CSMD1: variants seen among roughly 807,000 people sequenced by gnomAD.
CSMD1 encodes CUB and Sushi multiple domains 1, also known as CUB and sushi domain-containing protein 1.
In CSMD1, 213 loss-of-function variants were observed where a neutral mutation model predicts 417.5. The ratio of observed to expected loss-of-function variants is 0.51; its 90% CI spans 0.46 to 0.57. CSMD1 has a LOEUF of 0.57. CSMD1 is among the 20% of genes least tolerant of loss of function. The pLI is 0.00. For synonymous variants in CSMD1, 2,862 were observed against 1,736.8 expected, an observed-to-expected ratio of 1.65 and a Z score of -16.11; for missense variants, 6,923 against 4,529.7, an observed-to-expected ratio of 1.53 and a Z score of -15.17.
At chr8:3,332,200 G>C (rs1055327456) in intron 23 of CSMD1, among the ~76,000 whole-genome samples, 1 of 152,236 alleles carries the variant, frequency 6.6e-6, no homozygotes, top group Non-Finnish European at 1.5e-5. Flanking sequence ...ACTACTGCTT[G>C]ATGGCATGAA....
chr8:4,383,580 G>T (rs80208569), intron 3 of CSMD1, among the ~76,000 whole-genome samples: 85 of 152,190 alleles, frequency 5.6e-4, no homozygotes, highest in African/African-American at 2.0e-3. Context: ...TGATTACAGG[G>T]CCCTGAAACA....
intron 10 of CSMD1, among the ~76,000 whole-genome samples, chr8:3,556,415 T>TATATACA: frequency 1.8e-5 from 1 of 57,124 alleles, no homozygotes; most frequent in African/African-American, 6.2e-5. Flanking sequence ...ATATATATAT[T>TATATACA]CACACACACA....
chr8:4,307,560 C>T (rs763122449), intron 3 of CSMD1, among the ~76,000 whole-genome samples: 19 of 152,168 alleles, frequency 1.2e-4, no homozygotes, highest in Non-Finnish European at 2.2e-4. Flanking sequence ...AAAATGTTGC[C>T]TCTGCTTATC....
At chr8:4,556,947 C>T (rs1798122905) in intron 2 of CSMD1, among the ~76,000 whole-genome samples, 1 of 152,160 alleles carries the variant, frequency 6.6e-6, no homozygotes, top group Admixed American at 6.5e-5. Context: ...GATATTCAAC[C>T]TGTATCTGCT....
intron 3 of CSMD1, among the ~76,000 whole-genome samples, chr8:4,340,959 G>A (rs950536078): frequency 9.2e-5 from 14 of 151,970 alleles, no homozygotes; most frequent in East Asian, 3.9e-4. Flanking sequence ...TGTACTCTGC[G>A]GGTTTATTTC....
chr8:4,100,621 A>C (rs866230400), intron 3 of CSMD1, among the ~76,000 whole-genome samples: 5 of 152,182 alleles, frequency 3.3e-5, no homozygotes, highest in South Asian at 2.1e-4. Context: ...TTCCACCGTG[A>C]TAATGGGGAT....
intron 2 of CSMD1, among the ~76,000 whole-genome samples, chr8:4,432,463 C>T (rs1480643807): frequency 6.6e-6 from 1 of 152,166 alleles, no homozygotes; most frequent in African/African-American, 2.4e-5. Flanking sequence ...GACACAAAAA[C>T]TCAAGTATCA....
chr8:3,195,577 T>G (rs531820881), intron 33 of CSMD1, among the ~76,000 whole-genome samples: 1 of 152,232 alleles, frequency 6.6e-6, no homozygotes, highest in South Asian at 2.1e-4. Context: ...ATATTTTCTG[T>G]GAAATGACAA....
At chr8:4,950,788 C>T (rs7005677) in intron 1 of CSMD1, among the ~76,000 whole-genome samples, 69,993 of 151,702 alleles carry the variant, frequency 0.46, 16,396 homozygotes, top group African/African-American at 0.51. Context: ...CAGACAATGA[C>T]CGTAAGCATC....
intron 17 of CSMD1, among the ~76,000 whole-genome samples, chr8:3,391,476 G>T (rs1029312153): frequency 1.3e-5 from 2 of 152,156 alleles, no homozygotes; most frequent in African/African-American, 4.8e-5. Flanking sequence ...CAAAGCAGAT[G>T]ATCATTCTGG....
chr8:4,963,543 A>G (rs922618570), intron 1 of CSMD1, among the ~76,000 whole-genome samples: 24 of 151,932 alleles, frequency 1.6e-4, no homozygotes, highest in Admixed American at 5.2e-4. Flanking sequence ...TACCTCCCTT[A>G]CCTGCTTTTG....
chr8:3,872,628 T>C (rs144475542), intron 5 of CSMD1, among the ~76,000 whole-genome samples: 2 of 152,176 alleles, frequency 1.3e-5, no homozygotes, highest in African/African-American at 2.4e-5. Context: ...CCACAATCCA[T>C]TCATTTTCTC....
At chr8:3,572,195 A>T (rs570039788) in intron 10 of CSMD1, among the ~76,000 whole-genome samples, 5 of 152,140 alleles carry the variant, frequency 3.3e-5, no homozygotes, top group Admixed American at 6.5e-5. Flanking sequence ...TCCACCCAGG[A>T]AGGGCGGTGG....
At chr8:4,194,207 T>G (rs1283745399) in intron 3 of CSMD1, among the ~76,000 whole-genome samples, 1 of 152,116 alleles carries the variant, frequency 6.6e-6, no homozygotes, top group African/African-American at 2.4e-5. Context: ...ACTACTAAAT[T>G]TCTTTCGTCC....
rs1806438619 is a variant in CSMD1, at chr8:4,920,974, GAAAGAAACAAAGAAAGAAAGAAAA to G, written c.85+73334_85+73357del. On this transcript the variant is annotated intron_variant, in intron 1 of 69. Transcript: ENST00000635120. ...AGAAAGAAAGAAAGAAAGAAAGAAA[GAAAGAAACAAAGAAAGAAAGAAAA>G]GAAAGAAAGAAAGAAAAGAAAGAAA... is the stretch of plus-strand genomic sequence containing the variant. Among the ~76,000 whole-genome samples, 2 of 25,942 alleles carry G rather than the reference GAAAGAAACAAAGAAAGAAAGAAAA, an allele frequency of 7.7e-5. 1 individual carries two copies. The highest frequency in any genetic ancestry group is 1.8e-4 in the Non-Finnish European group (2 of 11,034). 17.0% of individuals were successfully genotyped at this position (25,942 alleles called of 152,430 possible).
At chr8:4,150,839 C>A (rs1796532826) in intron 3 of CSMD1, among the ~76,000 whole-genome samples, 1 of 151,866 alleles carries the variant, frequency 6.6e-6, no homozygotes. Flanking sequence ...GACAGAATAA[C>A]CTTAACAATA....
chr8:3,905,191 C>T (rs145339713), intron 5 of CSMD1, among the ~76,000 whole-genome samples: 1 of 151,966 alleles, frequency 6.6e-6, no homozygotes, highest in African/African-American at 2.4e-5. Context: ...AAAATATGTT[C>T]ATATAAAAGA....
chr8:3,070,328 C>A (rs555749147), intron 49 of CSMD1, among the ~76,000 whole-genome samples: 2 of 152,246 alleles, frequency 1.3e-5, no homozygotes, highest in Non-Finnish European at 2.9e-5. Context: ...TCCTCTGCCA[C>A]ACGGCCAGCC....
intron 3 of CSMD1, among the ~76,000 whole-genome samples, chr8:4,104,425 T>G (rs1801462101): frequency 6.8e-6 from 1 of 147,330 alleles, no homozygotes; most frequent in Admixed American, 6.8e-5. Context: ...CACACACACA[T>G]GCGCACACGC....
Sources: allele counts gnomAD v4.1 joint callset (sites outside exome capture counted in the v4.1 genomes callset), GRCh38; gene constraint gnomAD v4.1.1; transcripts MANE v1.5; gene names NCBI Gene and HGNC (gene_info 2026-07-23, HGNC 2026-07-21).